The following KYNU variants were observed in gnomAD, a reference collection of about 807,000 sequenced individuals.
The protein encoded by KYNU is L-kynurenine hydrolase.
A neutral mutation model predicts 59.2 loss-of-function variants in KYNU; 54 were observed. The ratio of observed to expected loss-of-function variants is 0.91; its 90% CI spans 0.73 to 1.14. The LOEUF (loss-of-function observed/expected upper bound fraction) is 1.14, where lower values mean the gene tolerates loss of function less well. KYNU is among the 50% of genes most tolerant of loss of function. KYNU has a pLI of 0.00. For synonymous variants in KYNU, 177 were observed against 192.0 expected, an observed-to-expected ratio of 0.92 and a Z score of 0.65; for missense variants, 567 against 554.4, an observed-to-expected ratio of 1.02 and a Z score of -0.23.
chr2:143,043,375 C>A lies in KYNU; in HGVS notation c.*1203C>A, dbSNP rs1380460210. 1 of 151,870 alleles carries A rather than the reference C, an allele frequency of 6.6e-6. No individual in the cohort carries two copies. The highest frequency in any genetic ancestry group is 1.5e-5 in the Non-Finnish European group (1 of 67,938). The allele number at this position is 151,870 out of a possible 1,614,324, so 9.4% of individuals were successfully genotyped here. A position where few individuals can be genotyped will look rare whatever the true frequency, so the allele number is the denominator to read the frequency against. ...GCCACAATCATTATTTATAAGTTGA[C>A]AAAATAGTGTAGATTTGTATACATA... On this transcript the variant is annotated 3_prime_UTR_variant, in exon 14 of 14. Transcript: ENST00000264170.
intron 4 of KYNU, among the ~76,000 whole-genome samples, chr2:142,929,359 CAAAAAAAAAAAA>C (rs5834929): frequency 1.9e-5 from 2 of 106,442 alleles, no homozygotes. Context: ...TTGCCTTTCT[CAAAAAAAAAAAA>C]AAAAAAAAAA....
At chr2:142,951,620 C>T (rs2105076161) in intron 4 of KYNU, among the ~76,000 whole-genome samples, 1 of 152,252 alleles carries the variant, frequency 6.6e-6, no homozygotes, top group South Asian at 2.1e-4. Context: ...TCTTTAGTGC[C>T]TTTAGGTCAT....
chr2:142,903,411 C>T (rs1236830948), intron 2 of KYNU, among the ~76,000 whole-genome samples: 1 of 152,020 alleles, frequency 6.6e-6, no homozygotes, highest in Admixed American at 6.6e-5. Context: ...GTTAGAATGT[C>T]TTTCCCTAAC....
intron 10 of KYNU, among the ~76,000 whole-genome samples, chr2:142,999,819 A>C (rs1435764101): frequency 6.6e-6 from 1 of 152,126 alleles, no homozygotes; most frequent in Non-Finnish European, 1.5e-5. Context: ...AATAAATTTT[A>C]ATAAGACAGA....
At chr2:143,033,429 C>T (rs1686814013) in intron 12 of KYNU, 108 bp downstream of exon 12, 1 of 853,850 alleles carries the variant, frequency 1.2e-6, no homozygotes, top group Non-Finnish European at 2.1e-6. Context: ...TACATGTGCA[C>T]TGTGCATGAA....
chr2:142,896,372 G>A (rs1681877914), intron 2 of KYNU, among the ~76,000 whole-genome samples: 1 of 152,052 alleles, frequency 6.6e-6, no homozygotes, highest in Non-Finnish European at 1.5e-5. Context: ...GTATTTATAT[G>A]CATGTTCCTA....
intron 10 of KYNU, among the ~76,000 whole-genome samples, chr2:143,011,821 C>A (rs866177463): frequency 1.5e-5 from 2 of 129,750 alleles, no homozygotes; most frequent in African/African-American, 6.1e-5. Context: ...GAACAAAAAA[C>A]CAAACACCGC....
At chr2:143,041,112 G>GAT (rs907597063) in intron 13 of KYNU, among the ~76,000 whole-genome samples, 9 of 151,914 alleles carry the variant, frequency 5.9e-5, no homozygotes, top group Non-Finnish European at 1.0e-4. Context: ...TGTCAAAAAA[G>GAT]ATATATATAC....
chr2:142,906,103 C>G (rs1682289115), intron 2 of KYNU, among the ~76,000 whole-genome samples: 1 of 151,986 alleles, frequency 6.6e-6, no homozygotes, highest in Non-Finnish European at 1.5e-5. Flanking sequence ...ATCTCTGTCT[C>G]TCTCTCTGTC....
chr2:142,981,741 C>T (rs1019584866), intron 8 of KYNU, among the ~76,000 whole-genome samples: 5 of 152,050 alleles, frequency 3.3e-5, no homozygotes, highest in African/African-American at 1.2e-4. Flanking sequence ...TTGTGAGATA[C>T]TAACTCCAGT....
intron 10 of KYNU, among the ~76,000 whole-genome samples, chr2:143,014,288 T>C (rs990812414): frequency 3.3e-5 from 5 of 152,232 alleles, no homozygotes; most frequent in African/African-American, 1.2e-4. Context: ...CCTTGGATTT[T>C]ATCTAGTGGT....
At chr2:143,038,167 A>G (rs1377815578) in intron 12 of KYNU, among the ~76,000 whole-genome samples, 1 of 152,230 alleles carries the variant, frequency 6.6e-6, no homozygotes. Flanking sequence ...GATACTTCAC[A>G]TATCGATTGC....
At chr2:143,012,392 A>C (rs375739) in intron 10 of KYNU, among the ~76,000 whole-genome samples, 18,628 of 151,610 alleles carry the variant, frequency 0.12, 1,296 homozygotes, top group East Asian at 0.24. Context: ...CTGAGGCAGG[A>C]GAATGGCTTG....
intron 2 of KYNU, among the ~76,000 whole-genome samples, chr2:142,888,510 C>G (rs1681592141): frequency 6.6e-6 from 1 of 151,958 alleles, no homozygotes; most frequent in African/African-American, 2.4e-5. Flanking sequence ...CTTTATTAAC[C>G]CCAAGTGTTC....
chr2:142,986,596 G>A (rs1240076767), intron 10 of KYNU, among the ~76,000 whole-genome samples: 1 of 151,694 alleles, frequency 6.6e-6, no homozygotes, highest in Admixed American at 6.6e-5. Flanking sequence ...ATATTTTAGA[G>A]CAAGTATAAA....
intron 10 of KYNU, among the ~76,000 whole-genome samples, chr2:142,986,839 CTGAG>C (rs1334487348): frequency 2.0e-5 from 3 of 151,802 alleles, no homozygotes; most frequent in African/African-American, 4.8e-5. Flanking sequence ...CAGCCACTGA[CTGAG>C]TGGTAAAATC....
At chr2:142,896,742 C>T (rs1681893049) in intron 2 of KYNU, among the ~76,000 whole-genome samples, 1 of 152,118 alleles carries the variant, frequency 6.6e-6, no homozygotes, top group Non-Finnish European at 1.5e-5. Flanking sequence ...CCACTTTGAC[C>T]TCCCAAGGTG....
Position 143,053,585 on chromosome 2 carries a change from T to C in KYNU, c.*11413T>C, listed in dbSNP as rs1012761882. ...TCATGAGGGCAGGTCTTTTCTGTGC[T>C]GTTCTCATGATGGTGAGTAAGTCTC... On this transcript the variant is annotated 3_prime_UTR_variant, in exon 14 of 14. Coordinates refer to ENST00000264170, the MANE Select transcript of KYNU (RefSeq NM_003937.3). 6.6e-6 allele frequency: 1 copy of C among 152,222 alleles called. No individual in the cohort carries two copies. The highest frequency in any genetic ancestry group is 2.4e-5 in the African/African-American group (1 of 41,438). The allele number at this position is 152,222 out of a possible 1,614,324, so 9.4% of individuals were successfully genotyped here. A position where few individuals can be genotyped will look rare whatever the true frequency, so the allele number is the denominator to read the frequency against.
At chr2:142,947,222 G>C in intron 4 of KYNU, 1 of 1,550,398 alleles carries the variant, frequency 6.4e-7, no homozygotes, top group Non-Finnish European at 8.7e-7. Context: ...CTTCAGTGGA[G>C]TTCTCTAAAC....
Sources: gnomAD v4.1 joint callset for allele counts (sites outside exome capture counted in the v4.1 genomes callset) on GRCh38, gnomAD v4.1.1 for gene constraint, MANE v1.5 for transcripts, NCBI Gene and HGNC (gene_info 2026-07-23, HGNC 2026-07-21) for gene names.